Variants in FADS6 observed in about 807,000 individuals in gnomAD.
FADS6 encodes fatty acid desaturase domain family, member 6.
Under a neutral mutation model 31.7 loss-of-function variants are expected in FADS6, and 28 were observed. The observed-to-expected ratio is 0.88, with a 90% CI of 0.66 to 1.21. FADS6 has a LOEUF of 1.21. Among genes scored for constraint, FADS6 ranks in the 50% most tolerant of loss-of-function variants. The pLI is 0.00. For synonymous variants in FADS6, 191 were observed against 213.1 expected (o/e 0.90, Z 0.90); for missense variants, 494 against 504.2 (o/e 0.98, Z 0.19).
In FADS6 at chr17:74,882,707, A is replaced by G; in HGVS notation, c.415T>C (p.Cys139Arg). ...KIWLLFFVEV[C>R]TAFTAEHATH... ...GCGTGCTCTGCAGTGAAGGCTGTGC[A>G]CACCTAGAGGAGGGAACCAGAAATG... Residue 139 changes from cysteine (C) to arginine (R), a missense_variant, in exon 3 of 6, where the codon TGC becomes CGC. Cys to Arg is a radical substitution (Grantham distance 180). This residue lies in a region of FADS6 where 454 missense variants were observed against 438.5 expected (regional missense o/e 1.04). Coordinates refer to ENST00000612771, the MANE Select transcript of FADS6 (RefSeq NM_178128.6). 1 of 1,608,516 alleles carries G rather than the reference A, an allele frequency of 6.2e-7. No homozygotes were observed. The highest frequency in any genetic ancestry group is 8.5e-7 in the Non-Finnish European group (1 of 1,178,162).
At chr17:74,882,735 A>G in intron 2 of FADS6, 25 bp from the exon 3 acceptor site, 1 of 1,597,330 alleles carries the variant, frequency 6.3e-7, no homozygotes, top group South Asian at 1.1e-5. Flanking sequence ...CAGAAATGAC[A>G]CTGGGGTCCC....
chr17:74,881,088 G>A lies in FADS6; in HGVS notation c.760C>T (p.Leu254Phe), dbSNP rs2038562444. The change falls in exon 4 of 6, where the codon CTC becomes TTC. Residue 254 changes from leucine (L) to phenylalanine (F), a missense_variant. By Grantham distance (22) the Leu-to-Phe change is conservative. Transcript: ENST00000612771. ...CTCACCTGGAAGATGTTGACGTGGA[G>A]GTAGGGGTGGGCCAACAGGGATCTG... is the stretch of plus-strand genomic sequence containing the variant. Reference protein sequence around the residue: ...LTRSLLAHPYLHVNIFQHIGL... With the variant: ...LTRSLLAHPYFHVNIFQHIGL... 1.2e-6 allele frequency: 2 copies of A among 1,613,362 alleles called. No homozygotes were observed. Among genetic ancestry groups the A allele is most frequent in the Non-Finnish European group, 1.7e-6 (2 of 1,179,720 alleles).
chr17:74,880,970 TG>T (rs1482308621), intron 4 of FADS6, 97 bp downstream of exon 4: 2 of 1,258,452 alleles, frequency 1.6e-6, no homozygotes, highest in Admixed American at 2.6e-5. Flanking sequence ...ATCCTTCAGG[TG>T]GCCCCTCTCT....
Position 74,878,208 on chromosome 17 carries a change from G to C in FADS6, c.*123C>G. On this transcript the variant is annotated 3_prime_UTR_variant, in exon 6 of 6. Coordinates refer to ENST00000612771, the MANE Select transcript of FADS6 (RefSeq NM_178128.6). The stretch of plus-strand genomic sequence containing the variant: ...CCTGAGCTCCCCTGCCCCCCTGCCT[G>C]GCCGGTGCCTCCACTCTCCAGGTCC... The C allele has an allele frequency of 6.9e-7, 1 of 1,443,852 alleles. No individual in the cohort carries two copies. Among genetic ancestry groups the C allele is most frequent in the South Asian group, 1.5e-5 (1 of 68,102 alleles). 89.4% of individuals were successfully genotyped at this position (1,443,852 alleles called of 1,614,324 possible). A position where few individuals can be genotyped will look rare whatever the true frequency, so the allele number is the denominator to read the frequency against.
chr17:74,874,952 AC>A (rs2038497896), downstream of FADS6, among the ~76,000 whole-genome samples: 3 of 152,126 alleles, frequency 2.0e-5, no homozygotes, highest in Admixed American at 6.6e-5. Context: ...GAGTTTGACC[AC>A]CCCTGCACTA....
At chr17:74,886,349 A>G in intron 2 of FADS6, among the ~76,000 whole-genome samples, 1 of 149,988 alleles carries the variant, frequency 6.7e-6, no homozygotes, top group Non-Finnish European at 1.5e-5. Flanking sequence ...ACTCCCAGCT[A>G]CTTGGGAGGC....
intron 2 of FADS6, among the ~76,000 whole-genome samples, chr17:74,883,401 A>G (rs370572652): frequency 6.6e-6 from 1 of 152,308 alleles, no homozygotes; most frequent in Non-Finnish European, 1.5e-5. Flanking sequence ...ATGCAGATGT[A>G]AGCCTCTTCC....
chr17:74,878,429 T>A lies in FADS6; in HGVS notation c.1009A>T (p.Asn337Tyr). The A allele has an allele frequency of 2.5e-6, 4 of 1,614,004 alleles. No homozygotes were observed. The highest frequency in any genetic ancestry group is 3.4e-6 in the Non-Finnish European group (4 of 1,179,868). ...QFLREKQLPYNEDSYLARFQL... is the reference protein window; with the variant it reads ...QFLREKQLPYYEDSYLARFQL... Reference sequence around the variant, plus strand: ...AAGCGAGCCAGGTATGAGTCCTCGTTGTACGGTAGCTGCTTCTCACGTAGG... The same window carrying A: ...AAGCGAGCCAGGTATGAGTCCTCGTAGTACGGTAGCTGCTTCTCACGTAGG... Residue 337 changes from asparagine to tyrosine, a missense_variant, in exon 6 of 6, where the codon AAC becomes TAC. Coordinates refer to ENST00000612771, the MANE Select transcript of FADS6 (RefSeq NM_178128.6).
Position 74,893,625 on chromosome 17 carries a change from C to CGGAGGACT in FADS6, c.-38_-31dup, listed in dbSNP as rs1281602888. ...TCTGTGGGCTCGGGCCCGACGCGCA[C>CGGAGGACT]GGAGGACTGGAGGACTGGGGCGTGT... On this transcript the variant is annotated 5_prime_UTR_variant, in exon 1 of 6. Coordinates refer to ENST00000612771, the MANE Select transcript of FADS6 (RefSeq NM_178128.6). 5.4e-6 allele frequency: 7 copies of CGGAGGACT among 1,292,932 alleles called. No individual in the cohort carries two copies. Among genetic ancestry groups the CGGAGGACT allele is most frequent in the Admixed American group, 4.1e-5 (1 of 24,418 alleles). The allele number at this position is 1,292,932 out of a possible 1,614,324, so 80.1% of individuals were successfully genotyped here.
At chr17:74,874,868 G>A (rs2038495275), downstream of FADS6, among the ~76,000 whole-genome samples, 1 of 152,136 alleles carries the variant, frequency 6.6e-6, no homozygotes, top group African/African-American at 2.4e-5. Flanking sequence ...GTGCTTTGAT[G>A]GCACAATTGA....
At chr17:74,890,196 G>A (rs2038673952) in intron 2 of FADS6, among the ~76,000 whole-genome samples, 1 of 152,210 alleles carries the variant, frequency 6.6e-6, no homozygotes, top group Non-Finnish European at 1.5e-5. Flanking sequence ...GACTTCAAGT[G>A]ATCCTTCCAC....
At chr17:74,888,145 C>A (rs896659512) in intron 2 of FADS6, among the ~76,000 whole-genome samples, 1 of 108,774 alleles carries the variant, frequency 9.2e-6, no homozygotes, top group East Asian at 3.4e-4. Flanking sequence ...CACACACACA[C>A]ACACACACAC....
At chr17:74,874,841 T>C (rs1342670777), downstream of FADS6, among the ~76,000 whole-genome samples, 1 of 152,226 alleles carries the variant, frequency 6.6e-6, no homozygotes, top group East Asian at 1.9e-4. Flanking sequence ...CTTTACATAT[T>C]GTCTATGGCT....
rs1259526085 is a variant in FADS6, at chr17:74,878,017, C to T, written c.*314G>A. ...TTCACCCTGTCACCTCCCTTTAACC[C>T]TACCAAGGCTCAGATGGAGCAGGGG... On this transcript the variant is annotated 3_prime_UTR_variant, in exon 6 of 6. Transcript: ENST00000612771. The T allele has an allele frequency of 2.7e-6, 3 of 1,120,360 alleles. No homozygotes were observed. The highest frequency in any genetic ancestry group is 3.3e-5 in the African/African-American group (2 of 60,918). The allele number at this position is 1,120,360 out of a possible 1,614,324, so 69.4% of individuals were successfully genotyped here.
intron 2 of FADS6, among the ~76,000 whole-genome samples, chr17:74,883,852 G>A (rs1307787533): frequency 6.6e-6 from 1 of 152,062 alleles, no homozygotes; most frequent in Non-Finnish European, 1.5e-5. Flanking sequence ...ATTTTTAGTA[G>A]AGACAGGGTT....
At chr17:74,887,718 G>A (rs2038638079) in intron 2 of FADS6, among the ~76,000 whole-genome samples, 3 of 152,202 alleles carry the variant, frequency 2.0e-5, no homozygotes, top group Admixed American at 2.0e-4. Context: ...ATGGAGTCTT[G>A]CTCTCTCACC....
In FADS6 at chr17:74,881,097, G is replaced by A; in HGVS notation, c.751C>T (p.His251Tyr). The A allele has an allele frequency of 6.2e-7, 1 of 1,613,598 alleles. No homozygotes were observed. The highest frequency in any genetic ancestry group is 2.2e-5 in the East Asian group (1 of 44,866). Residue 251 changes from histidine (H) to tyrosine (Y), a missense_variant, in exon 4 of 6, where the codon CAC becomes TAC. His to Tyr is a moderately conservative substitution (Grantham distance 83, BLOSUM62 2). Around this residue, in one of 2 missense-constraint regions of FADS6, gnomAD observed 454 missense variants for 438.5 expected, o/e 1.04. Coordinates refer to ENST00000612771, the MANE Select transcript of FADS6 (RefSeq NM_178128.6). ...AAGATGTTGACGTGGAGGTAGGGGT[G>A]GGCCAACAGGGATCTGGTGAGGAAC... Reference protein sequence around the residue: ...CMFLTRSLLAHPYLHVNIFQH... With the variant: ...CMFLTRSLLAYPYLHVNIFQH...
At position 74,879,390 on chromosome 17, in the gene FADS6, C is replaced by T. The variant is rs771227824; in HGVS notation, c.960+14G>A. On this transcript the variant is annotated intron_variant, in intron 5 of 5. Coordinates refer to ENST00000612771, the MANE Select transcript of FADS6 (RefSeq NM_178128.6). ...TCCCTTTATTCCAGCGCCCCCAGCC[C>T]AGCCCTCGACTACCTTCAGGCACAT... The T allele has an allele frequency of 6.8e-6, 11 of 1,611,786 alleles. No individual in the cohort carries two copies. The South Asian group carries it at 1.1e-4, about 16-fold the overall frequency.
chr17:74,875,594 AATGAGTC>A, downstream of FADS6, among the ~76,000 whole-genome samples: 1 of 152,324 alleles, frequency 6.6e-6, no homozygotes, highest in East Asian at 1.9e-4. Context: ...GATCAATAAC[AATGAGTC>A]ATTGGTTATG....
Sources: gnomAD v4.1 joint callset for allele counts (sites outside exome capture counted in the v4.1 genomes callset) on GRCh38, gnomAD v4.1.1 for gene constraint, gnomAD v4.1.1 regional missense constraint, MANE v1.5 for transcripts, NCBI Gene and HGNC (gene_info 2026-07-23, HGNC 2026-07-21) for gene names.